Variants in MEI4 observed in about 807,000 individuals in gnomAD.
MEI4 encodes meiosis-specific protein MEI4.
Under a neutral mutation model 31.4 loss-of-function variants are expected in MEI4, and 27 were observed. The ratio of observed to expected loss-of-function variants is 0.86; its 90% CI spans 0.63 to 1.19. MEI4 has a LOEUF of 1.19. Among genes scored for constraint, MEI4 ranks in the 50% most tolerant of loss-of-function variants. The pLI is 0.00. For synonymous variants in MEI4, 122 were observed against 145.4 expected (o/e 0.84, Z 1.16); for missense variants, 329 against 398.9 (o/e 0.82, Z 1.49).
intron 4 of MEI4, among the ~76,000 whole-genome samples, chr6:77,910,211 A>C (rs1441150712): frequency 4.6e-5 from 7 of 152,284 alleles, no homozygotes; most frequent in Admixed American, 1.3e-4. Context: ...TGGCCAGGGC[A>C]ATCAGGCAGG....
At chr6:77,679,264 C>T (rs11754089) in intron 1 of MEI4, among the ~76,000 whole-genome samples, 20,546 of 152,158 alleles carry the variant, frequency 0.14, 1,474 homozygotes, top group Middle Eastern at 0.2. Flanking sequence ...CATGGACTCA[C>T]CCAGAACAAC....
intron 3 of MEI4, among the ~76,000 whole-genome samples, chr6:77,810,530 A>G (rs1417414983): frequency 6.6e-6 from 1 of 152,190 alleles, no homozygotes; most frequent in Non-Finnish European, 1.5e-5. Context: ...CAAAAAGTAA[A>G]GGCAATTTAG....
At chr6:77,673,160 A>T (rs1345966351) in intron 1 of MEI4, among the ~76,000 whole-genome samples, 2 of 152,214 alleles carry the variant, frequency 1.3e-5, no homozygotes, top group Non-Finnish European at 2.9e-5. Context: ...GGTTAAATTA[A>T]TAAAAGGAAG....
At chr6:77,715,406 G>T (rs1271617027) in intron 2 of MEI4, among the ~76,000 whole-genome samples, 1 of 152,108 alleles carries the variant, frequency 6.6e-6, no homozygotes, top group African/African-American at 2.4e-5. Context: ...TTTGATTAAG[G>T]TATCTACAGA....
intron 4 of MEI4, among the ~76,000 whole-genome samples, chr6:77,894,535 G>A (rs1307686837): frequency 6.6e-6 from 1 of 152,122 alleles, no homozygotes; most frequent in African/African-American, 2.4e-5. Context: ...AATTAGTGAT[G>A]ATACATAGTA....
In MEI4 at chr6:77,923,885, A is replaced by G. The variant is rs1391607191; in HGVS notation, c.*539A>G. On this transcript the variant is annotated 3_prime_UTR_variant, in exon 5 of 5. Coordinates refer to ENST00000684080, the MANE Select transcript of MEI4 (RefSeq NM_001322247.2). Reference sequence around the variant, plus strand: ...AACTTTTTTAACATTTGGAAACTTAATTGCTTTTTATTTATTTCAATTTCA... The same window carrying G: ...AACTTTTTTAACATTTGGAAACTTAGTTGCTTTTTATTTATTTCAATTTCA... The G allele has an allele frequency of 6.6e-6, 1 of 151,776 alleles. No individual in the cohort carries two copies. The highest frequency in any genetic ancestry group is 6.6e-5 in the Admixed American group (1 of 15,148). The allele number at this position is 151,776 out of a possible 1,614,324, so 9.4% of individuals were successfully genotyped here.
intron 4 of MEI4, among the ~76,000 whole-genome samples, chr6:77,888,934 G>A (rs532155371): frequency 6.6e-6 from 1 of 152,204 alleles, no homozygotes; most frequent in South Asian, 2.1e-4. Context: ...CCTTTGCTCA[G>A]CACCTCTACT....
chr6:77,819,408 T>G (rs1769764167), intron 3 of MEI4, among the ~76,000 whole-genome samples: 2 of 152,164 alleles, frequency 1.3e-5, no homozygotes, highest in South Asian at 4.1e-4. Flanking sequence ...TTTATTCATT[T>G]TAGTGCTCAA....
At chr6:77,840,730 A>G (rs569851527) in intron 4 of MEI4, among the ~76,000 whole-genome samples, 1 of 152,306 alleles carries the variant, frequency 6.6e-6, no homozygotes, top group South Asian at 2.1e-4. Flanking sequence ...TACCAAAAAA[A>G]TGAACATTGT....
Position 77,923,137 on chromosome 6 carries a change from T to G in MEI4, c.949T>G (p.Phe317Val). The G allele has an allele frequency of 8.1e-7, 1 of 1,230,532 alleles. No individual in the cohort carries two copies. Among genetic ancestry groups the G allele is most frequent in the Non-Finnish European group, 1.0e-6 (1 of 986,800 alleles). 76.2% of individuals were successfully genotyped at this position (1,230,532 alleles called of 1,614,324 possible). ...ACGCTATGAAAACATTTTCTACCTG[T>G]TCTGGGTTCTGGAGCAGCTTCTTCA... ...VSRYENIFYL[F>V]WVLEQLLQKE... The change falls in exon 5 of 5, where the codon TTC becomes GTC. Residue 317 changes from phenylalanine to valine, a missense_variant. Phe to Val is a conservative substitution (Grantham distance 50). Coordinates refer to ENST00000684080, the MANE Select transcript of MEI4 (RefSeq NM_001322247.2).
chr6:77,658,653 A>T (rs1768444486), intron 1 of MEI4, among the ~76,000 whole-genome samples: 1 of 151,990 alleles, frequency 6.6e-6, no homozygotes, highest in Non-Finnish European at 1.5e-5. Context: ...GTAAAGGGTG[A>T]TATTGTGGGG....
At chr6:77,666,090 G>A (rs1156740627) in intron 1 of MEI4, among the ~76,000 whole-genome samples, 3 of 152,200 alleles carry the variant, frequency 2.0e-5, no homozygotes, top group East Asian at 1.9e-4. Context: ...GGCTGAGTCC[G>A]AAAAGAGAGT....
At position 77,802,210 on chromosome 6, in the gene MEI4, T is replaced by G. The variant is rs1422688715; in HGVS notation, c.769-26721T>G. On this transcript the variant is annotated intron_variant, in intron 3 of 4. Transcript: ENST00000684080. ...TAGCTCTTCTTGTTGAATTGATCCC[T>G]TTACCCTTATGTAATGGCCTTATTT... 5.9e-5 allele frequency among the ~76,000 whole-genome samples: 9 copies of G among 152,344 alleles called. No individual in the cohort carries two copies. The East Asian group carries it at 1.7e-3, about 29-fold the overall frequency.
intron 3 of MEI4, among the ~76,000 whole-genome samples, chr6:77,803,970 G>A (rs767435121): frequency 8.5e-4 from 129 of 152,164 alleles, no homozygotes; most frequent in Non-Finnish European, 1.0e-3. Context: ...CCAGTTGCGT[G>A]CTGGGAGAAC....
chr6:77,789,820 T>G (rs972139359), intron 3 of MEI4, among the ~76,000 whole-genome samples: 41 of 152,190 alleles, frequency 2.7e-4, no homozygotes, highest in South Asian at 8.3e-4. Flanking sequence ...CTGTAAACTA[T>G]TTCAACCATA....
chr6:77,655,829 G>T (rs756558658), intron 1 of MEI4, among the ~76,000 whole-genome samples: 2 of 152,040 alleles, frequency 1.3e-5, no homozygotes, highest in Non-Finnish European at 2.9e-5. Context: ...TGGACATTTC[G>T]CTCTGTTCTT....
chr6:77,829,302 G>A (rs1221760123), intron 4 of MEI4, among the ~76,000 whole-genome samples: 1 of 152,148 alleles, frequency 6.6e-6, no homozygotes, highest in East Asian at 1.9e-4. Flanking sequence ...AGATGCCATT[G>A]GTGACAGCAA....
chr6:77,710,581 CATT>C (rs1350431002), intron 2 of MEI4, among the ~76,000 whole-genome samples: 1 of 140,710 alleles, frequency 7.1e-6, no homozygotes, highest in Non-Finnish European at 1.5e-5. Flanking sequence ...AGATTTATAA[CATT>C]AGTTTTATTT....
intron 1 of MEI4, among the ~76,000 whole-genome samples, chr6:77,661,358 C>G (rs1170273123): frequency 6.6e-6 from 1 of 151,996 alleles, no homozygotes; most frequent in Non-Finnish European, 1.5e-5. Flanking sequence ...AAGGCCAAAC[C>G]GAGGAATTAT....
Sources: allele counts gnomAD v4.1 joint callset (sites outside exome capture counted in the v4.1 genomes callset), GRCh38; gene constraint gnomAD v4.1.1; transcripts MANE v1.5; gene names NCBI Gene and HGNC (gene_info 2026-07-23, HGNC 2026-07-21).